TSPAN19: variants seen among roughly 807,000 people sequenced by gnomAD.
TSPAN19 encodes the protein tetraspanin-19.
In TSPAN19, 44 loss-of-function variants were observed where a neutral mutation model predicts 35.1. The observed-to-expected ratio is 1.25, with a 90% CI of 0.98 to 1.61. The LOEUF (loss-of-function observed/expected upper bound fraction) is 1.61. Ranked by LOEUF, TSPAN19 falls within the 40% of genes most tolerant of loss-of-function variation. The pLI is 0.00. For synonymous variants in TSPAN19, 79 were observed against 92.0 expected (o/e 0.86, Z 0.81); for missense variants, 290 against 280.0 (o/e 1.04, Z -0.26).
intron 5 of TSPAN19, among the ~76,000 whole-genome samples, chr12:85,022,939 ATTAG>A (rs1018916785): frequency 6.6e-6 from 1 of 152,166 alleles, no homozygotes; most frequent in African/African-American, 2.4e-5. Flanking sequence ...TAAATTTCAA[ATTAG>A]TTAGAGTCTA....
intron 7 of TSPAN19, 84 bp from the exon 8 acceptor site, chr12:85,016,055 G>A (rs1182138019): frequency 5.8e-6 from 5 of 869,552 alleles, no homozygotes; most frequent in Non-Finnish European, 8.4e-6. Context: ...AAGGTAAACA[G>A]AGATTAGTAA....
At chr12:85,033,400 G>A (rs747431436) in intron 1 of TSPAN19, among the ~76,000 whole-genome samples, 1 of 151,742 alleles carries the variant, frequency 6.6e-6, no homozygotes, top group Non-Finnish European at 1.5e-5. Context: ...GCCTCAATGT[G>A]GAAGCCAAAT....
rs192056987 is a variant in TSPAN19, at chr12:85,024,493, T to C, written c.265-1093A>G. On this transcript the variant is annotated intron_variant, in intron 4 of 8. Coordinates refer to ENST00000532498, the MANE Select transcript of TSPAN19 (RefSeq NM_001100917.2). The stretch of plus-strand genomic sequence containing the variant: ...CATATTAATATATAAGATTTAGAAT[T>C]TGGCTGGGCACAGTGGCTCATGGCT... Among the ~76,000 whole-genome samples the C allele has an allele frequency of 2.0e-5, 3 of 152,214 alleles. No individual in the cohort carries two copies. In the East Asian group the frequency reaches 5.8e-4, roughly 29 times the overall value.
intron 4 of TSPAN19, among the ~76,000 whole-genome samples, chr12:85,024,326 G>A (rs970764764): frequency 4.6e-5 from 7 of 152,148 alleles, no homozygotes; most frequent in African/African-American, 1.2e-4. Flanking sequence ...CTCTAGCTGG[G>A]AGTTTTCAGA....
chr12:85,032,378 G>A (rs1422583510), intron 1 of TSPAN19, among the ~76,000 whole-genome samples: 1 of 152,114 alleles, frequency 6.6e-6, no homozygotes, highest in African/African-American at 2.4e-5. Context: ...TACAGACTGA[G>A]AAGACAATCA....
chr12:85,028,078 T>A lies in TSPAN19; in HGVS notation c.140-55A>T, dbSNP rs985890832. On this transcript the variant is annotated intron_variant, in intron 3 of 8. Transcript: ENST00000532498. ...AAGTGGTATTTTATATGAAGTGGTA[T>A]TTTATTTATTTTCTATTTAAGAATA... 6 of 1,351,340 alleles carry A rather than the reference T, an allele frequency of 4.4e-6. No homozygotes were observed. The African/African-American group carries it at 9.1e-5, about 21-fold the overall frequency. 83.7% of individuals were successfully genotyped at this position (1,351,340 alleles called of 1,614,324 possible). A position where few individuals can be genotyped will look rare whatever the true frequency, so the allele number is the denominator to read the frequency against.
In TSPAN19 at chr12:85,014,445, A is replaced by T; in HGVS notation, c.*42T>A. ...ATAAAATAATATAATGTGATTTTTTAAGAATTAACTGGTTTCTTCTGAACA... is the reference window on the plus strand; with the variant it reads ...ATAAAATAATATAATGTGATTTTTTTAGAATTAACTGGTTTCTTCTGAACA... On this transcript the variant is annotated 3_prime_UTR_variant, in exon 9 of 9. Coordinates refer to ENST00000532498, the MANE Select transcript of TSPAN19 (RefSeq NM_001100917.2). 7.2e-7 allele frequency: 1 copy of T among 1,391,122 alleles called. No homozygotes were observed. The highest frequency in any genetic ancestry group is 1.0e-6 in the Non-Finnish European group (1 of 1,000,522). The allele number at this position is 1,391,122 out of a possible 1,614,324, so 86.2% of individuals were successfully genotyped here.
At chr12:85,019,562 A>T in intron 6 of TSPAN19, 64 bp downstream of exon 6, 1 of 1,027,672 alleles carries the variant, frequency 9.7e-7, no homozygotes, top group South Asian at 1.3e-5. Flanking sequence ...GCCCTGACCT[A>T]TTCTCTCTTC....
chr12:85,028,363 T>C (rs533856710), intron 3 of TSPAN19, among the ~76,000 whole-genome samples: 14 of 152,220 alleles, frequency 9.2e-5, no homozygotes, highest in Non-Finnish European at 1.6e-4. Context: ...CATGTATTCA[T>C]TCATTCATCA....
rs574231127 is a variant in TSPAN19 at position 85,015,933 on chromosome 12, A to C, written c.633T>G (p.Asn211Lys). 3.0e-5 allele frequency: 47 copies of C among 1,551,120 alleles called. No individual in the cohort carries two copies. The highest frequency in any genetic ancestry group is 1.7e-4 in the Middle Eastern group (1 of 5,954). ...AGTTAATTCCGATTAAGGTTAACACATTAACATTATACCATGCACTGATTT... is the reference window on the plus strand; with the variant it reads ...AGTTAATTCCGATTAAGGTTAACACCTTAACATTATACCATGCACTGATTT... ...ENKISAWYNVNVLTLIGINFG... is the reference protein window; with the variant it reads ...ENKISAWYNVKVLTLIGINFG... The change falls in exon 8 of 9, where the codon AAT (asparagine) becomes AAG (lysine). Residue 211 changes from asparagine to lysine, a missense_variant. By Grantham distance (94) the Asn-to-Lys change is moderately conservative. Coordinates refer to ENST00000532498, the MANE Select transcript of TSPAN19 (RefSeq NM_001100917.2).
intron 5 of TSPAN19, among the ~76,000 whole-genome samples, chr12:85,021,387 T>C (rs1877115583): frequency 2.0e-5 from 3 of 152,022 alleles, no homozygotes; most frequent in South Asian, 4.1e-4. Context: ...TTTAATACAT[T>C]TAAGAAGATT....
chr12:85,019,867 T>TA lies in TSPAN19; in HGVS notation c.340-132_340-131insT, dbSNP rs1388579612. On this transcript the variant is annotated intron_variant, in intron 5 of 8. Transcript: ENST00000532498. ...ATATTATTTTTCTGTTTTCTGTTTA[T>TA]TTCTTTTTAAAATAACTTTTTAACA... is the stretch of plus-strand genomic sequence containing the variant. 3 of 553,394 alleles carry TA rather than the reference T, an allele frequency of 5.4e-6. No homozygotes were observed. In the African/African-American group the frequency reaches 5.8e-5, roughly 11 times the overall value. The allele number at this position is 553,394 out of a possible 1,614,324, so 34.3% of individuals were successfully genotyped here. A position where few individuals can be genotyped will look rare whatever the true frequency, so the allele number is the denominator to read the frequency against.
intron 5 of TSPAN19, among the ~76,000 whole-genome samples, chr12:85,020,986 G>C (rs1877091720): frequency 6.6e-6 from 1 of 152,000 alleles, no homozygotes; most frequent in Admixed American, 6.6e-5. Context: ...AAAATGATCA[G>C]ATTTGGATGG....
At chr12:85,027,488 G>A (rs1224748241) in intron 4 of TSPAN19, among the ~76,000 whole-genome samples, 6 of 151,906 alleles carry the variant, frequency 3.9e-5, no homozygotes, top group East Asian at 1.9e-4. Context: ...ACCTTTCCGC[G>A]TGCCATGCCC....
chr12:85,023,476 C>T lies in TSPAN19; in HGVS notation c.265-76G>A, dbSNP rs796799964. 10 of 1,179,140 alleles carry T rather than the reference C, an allele frequency of 8.5e-6. 1 individual carries two copies. In the African/African-American group the frequency reaches 1.4e-4, roughly 16 times the overall value. 73.0% of individuals were successfully genotyped at this position (1,179,140 alleles called of 1,614,324 possible). ...TGTATGCTCAAATAATGGGAAAACA[C>T]ACACCATTGGAAATATGCAACCATA... On this transcript the variant is annotated intron_variant, in intron 4 of 8. Coordinates refer to ENST00000532498, the MANE Select transcript of TSPAN19 (RefSeq NM_001100917.2).
At chr12:85,030,557 A>G (rs1252797642) in intron 1 of TSPAN19, among the ~76,000 whole-genome samples, 1 of 152,026 alleles carries the variant, frequency 6.6e-6, no homozygotes, top group Non-Finnish European at 1.5e-5. Context: ...GGGGTATTTA[A>G]GTGGCGAGAG....
chr12:85,034,166 T>C (rs1354527918), intron 1 of TSPAN19, among the ~76,000 whole-genome samples: 2 of 152,130 alleles, frequency 1.3e-5, no homozygotes, highest in Non-Finnish European at 2.9e-5. Context: ...TGTGGTACTA[T>C]GAGCTACATA....
intron 1 of TSPAN19, among the ~76,000 whole-genome samples, chr12:85,033,175 T>C (rs557568042): frequency 1.3e-5 from 2 of 152,114 alleles, no homozygotes; most frequent in African/African-American, 4.8e-5. Flanking sequence ...AAGAAGGTCC[T>C]AGTTAGATAA....
intron 5 of TSPAN19, 62 bp downstream of exon 5, chr12:85,023,264 G>A (rs1245931341): frequency 7.4e-7 from 1 of 1,350,804 alleles, no homozygotes; most frequent in African/African-American, 1.5e-5. Flanking sequence ...ATACTCTAAG[G>A]TATCCAATTT....
Sources: gnomAD v4.1 joint callset for allele counts (sites outside exome capture counted in the v4.1 genomes callset) on GRCh38, gnomAD v4.1.1 for gene constraint, MANE v1.5 for transcripts, NCBI Gene and HGNC (gene_info 2026-07-23, HGNC 2026-07-21) for gene names.